PTPRT: variants seen among roughly 807,000 people sequenced by gnomAD.
PTPRT encodes protein tyrosine phosphatase receptor type T.
A neutral mutation model predicts 176.8 loss-of-function variants in PTPRT; 56 were observed. The ratio of observed to expected loss-of-function variants is 0.32; its 90% CI spans 0.26 to 0.40. PTPRT has a LOEUF of 0.40. Ranked by LOEUF, PTPRT falls within the 10% of genes least tolerant of loss-of-function variation. PTPRT has a pLI of 1.00. For synonymous variants in PTPRT, 783 were observed against 739.0 expected, an observed-to-expected ratio of 1.06 and a Z score of -0.96; for missense variants, 1,540 against 1,908.2, an observed-to-expected ratio of 0.81 and a Z score of 3.60.
Position 42,282,442 on chromosome 20 carries a change from A to C in PTPRT, c.2176+47T>G, listed in dbSNP as rs753021255. 3.2e-6 allele frequency: 5 copies of C among 1,550,276 alleles called. No homozygotes were observed. The African/African-American group carries it at 6.9e-5, about 21-fold the overall frequency. ...TCTGTGTGGCTAGAAAGAAATACTT[A>C]AATGGCTGAAGAACAGGTGAAGACA... On this transcript the variant is annotated intron_variant, in intron 13 of 30. Transcript: ENST00000373187.
intron 4 of PTPRT, among the ~76,000 whole-genome samples, chr20:42,775,786 C>T (rs965174024): frequency 1.3e-5 from 2 of 152,188 alleles, no homozygotes; most frequent in African/African-American, 4.8e-5. Context: ...TATTGATAAA[C>T]TCTGACCATA....
intron 7 of PTPRT, among the ~76,000 whole-genome samples, chr20:42,598,765 A>C (rs6093690): frequency 0.41 from 62,622 of 151,738 alleles, 15,956 homozygotes; most frequent in African/African-American, 0.72. Flanking sequence ...ACATCTGAGC[A>C]CTCACTGACC....
At chr20:42,106,499 G>A (rs756441249) in intron 24 of PTPRT, among the ~76,000 whole-genome samples, 1 of 152,086 alleles carries the variant, frequency 6.6e-6, no homozygotes, top group Non-Finnish European at 1.5e-5. Context: ...AATAATCCCC[G>A]AAATTTGTCA....
intron 9 of PTPRT, among the ~76,000 whole-genome samples, chr20:42,393,145 C>T (rs942035544): frequency 6.6e-6 from 1 of 152,050 alleles, no homozygotes. Flanking sequence ...AGGAAGGGCA[C>T]CTCTGGAATA....
intron 13 of PTPRT, among the ~76,000 whole-genome samples, chr20:42,273,154 A>G (rs1483772943): frequency 6.6e-6 from 1 of 152,186 alleles, no homozygotes; most frequent in African/African-American, 2.4e-5. Flanking sequence ...TATTATATTA[A>G]GTACTTTCGA....
rs758419531 is a variant in PTPRT, at chr20:42,885,819, C to T, written c.202G>A (p.Ala68Thr). The change falls in exon 2 of 31, where the codon GCA becomes ACA. Residue 68 changes from alanine to threonine, a missense_variant. Ala to Thr is a moderately conservative substitution (Grantham distance 58, BLOSUM62 0). Around this residue, in one of 11 missense-constraint regions of PTPRT, gnomAD observed 116 missense variants for 118.5 expected, o/e 0.98. Coordinates refer to ENST00000373187, the MANE Select transcript of PTPRT (RefSeq NM_007050.6). ...NTWEKPMLDQAVPTGSFMMVN... is the reference protein window; with the variant it reads ...NTWEKPMLDQTVPTGSFMMVN... ...ATGGATCACATACCTGTGGGCACTG[C>T]CTGGTCCAGCATTGGTTTCTCCCAT... 2.5e-6 allele frequency: 4 copies of T among 1,607,110 alleles called. No individual in the cohort carries two copies. The East Asian group carries it at 9.0e-5, about 36-fold the overall frequency.
chr20:42,131,923 C>T (rs146389827), intron 18 of PTPRT, among the ~76,000 whole-genome samples: 21 of 152,164 alleles, frequency 1.4e-4, no homozygotes, highest in African/African-American at 4.8e-4. Flanking sequence ...AAAGCAAGCA[C>T]CGTGGGGGAG....
rs531220118 is a variant in PTPRT at position 42,270,201 on chromosome 20, T to C, written c.2176+12288A>G. 2.7e-4 allele frequency among the ~76,000 whole-genome samples: 41 copies of C among 149,812 alleles called. No individual in the cohort carries two copies. The East Asian group carries it at 7.6e-3, about 28-fold the overall frequency. On this transcript the variant is annotated intron_variant, in intron 13 of 30. Coordinates refer to ENST00000373187, the MANE Select transcript of PTPRT (RefSeq NM_007050.6). ...TAGAAGGAATGAATAGGTGAGTGGA[T>C]AGATGAGTGTATGCATAGAGGGATG...
At chr20:42,561,320 A>G (rs969865828) in intron 7 of PTPRT, among the ~76,000 whole-genome samples, 8 of 152,206 alleles carry the variant, frequency 5.3e-5, no homozygotes, top group Non-Finnish European at 1.0e-4. Flanking sequence ...GGCTGAGGCC[A>G]AGGGCAGAGG....
At chr20:42,832,478 C>T (rs531043487) in intron 2 of PTPRT, among the ~76,000 whole-genome samples, 4 of 151,786 alleles carry the variant, frequency 2.6e-5, no homozygotes, top group Admixed American at 6.6e-5. Context: ...TATAACAAAC[C>T]TGCACACATA....
intron 2 of PTPRT, among the ~76,000 whole-genome samples, chr20:42,853,637 C>T (rs1227041366): frequency 1.3e-5 from 2 of 152,156 alleles, no homozygotes; most frequent in East Asian, 3.8e-4. Flanking sequence ...TAAGCTTGCC[C>T]ACATTGGTAG....
intron 7 of PTPRT, among the ~76,000 whole-genome samples, chr20:42,621,552 T>A (rs2074197284): frequency 6.6e-6 from 1 of 152,206 alleles, no homozygotes; most frequent in Non-Finnish European, 1.5e-5. Context: ...AAGCATACAA[T>A]GCCATTGACC....
At chr20:42,139,281 G>A (rs924156224) in intron 18 of PTPRT, among the ~76,000 whole-genome samples, 3 of 152,122 alleles carry the variant, frequency 2.0e-5, no homozygotes, top group South Asian at 2.1e-4. Flanking sequence ...GGAGATTCTG[G>A]TTTATTTAAA....
Position 43,189,799 on chromosome 20 carries a change from G to C in PTPRT, c.-66C>G. 1.1e-6 allele frequency: 1 copy of C among 904,648 alleles called. No individual in the cohort carries two copies. The highest frequency in any genetic ancestry group is 1.3e-6 in the Non-Finnish European group (1 of 745,154). The allele number at this position is 904,648 out of a possible 1,614,324, so 56.0% of individuals were successfully genotyped here. On this transcript the variant is annotated 5_prime_UTR_variant, in exon 1 of 31. Transcript: ENST00000373187. This position sits in a 1 kb window ranked among gnomAD's most constrained non-coding sequence, Gnocchi z 5.0. The stretch of plus-strand genomic sequence containing the variant: ...CGGGGCCGGGACTGGGGCGGGCGCG[G>C]GGTGGCCCCGCATCGCCGGCGCGGC...
intron 27 of PTPRT, among the ~76,000 whole-genome samples, chr20:42,093,003 C>A (rs1457181449): frequency 6.6e-6 from 1 of 152,212 alleles, no homozygotes; most frequent in Non-Finnish European, 1.5e-5. Flanking sequence ...AAGAAACATC[C>A]TTGTATGCTC....
intron 2 of PTPRT, among the ~76,000 whole-genome samples, chr20:42,820,678 AAGAAG>A (rs1160124787): frequency 6.6e-6 from 1 of 152,126 alleles, no homozygotes; most frequent in Non-Finnish European, 1.5e-5. Flanking sequence ...TAGACTAATA[AAGAAG>A]AGGAGAAAGA....
rs149739957 is a variant in PTPRT at position 43,096,247 on chromosome 20, C to T, written c.88+93399G>A. 3.2e-3 allele frequency among the ~76,000 whole-genome samples: 487 copies of T among 151,992 alleles called. 2 individuals are homozygous for T. Among genetic ancestry groups the T allele is most frequent in the African/African-American group, 0.011 (447 of 41,426 alleles). ...TCTCCCTCCTCTTTTCCTCTCTCTC[C>T]GACCCTATTTGGCTCTTTAGATTGA... On this transcript the variant is annotated intron_variant, in intron 1 of 30. Coordinates refer to ENST00000373187, the MANE Select transcript of PTPRT (RefSeq NM_007050.6).
At chr20:42,722,833 T>A (rs1237847924) in intron 6 of PTPRT, among the ~76,000 whole-genome samples, 6 of 152,142 alleles carry the variant, frequency 3.9e-5, no homozygotes, top group African/African-American at 1.4e-4. Context: ...ACAGCACAGA[T>A]CTATGTGCAC....
chr20:42,863,044 T>C (rs1329555005), intron 2 of PTPRT, among the ~76,000 whole-genome samples: 4 of 152,184 alleles, frequency 2.6e-5, no homozygotes, highest in Admixed American at 2.6e-4. Flanking sequence ...CATTCACACT[T>C]GCCAGAGAAA....
Sources: allele counts gnomAD v4.1 joint callset (sites outside exome capture counted in the v4.1 genomes callset), GRCh38; gene constraint gnomAD v4.1.1; regional missense constraint gnomAD v4.1.1; non-coding constraint Gnocchi (gnomAD v3.1); transcripts MANE v1.5; gene names NCBI Gene and HGNC (gene_info 2026-07-23, HGNC 2026-07-21).